DNAH8: variants seen among roughly 807,000 people sequenced by gnomAD.
DNAH8 encodes the protein axonemal beta dynein heavy chain 8.
Under a neutral mutation model 562.1 loss-of-function variants are expected in DNAH8, and 382 were observed. The observed-to-expected ratio is 0.68, with a 90% CI of 0.63 to 0.74. The LOEUF (loss-of-function observed/expected upper bound fraction) is 0.74, where lower values mean the gene tolerates loss of function less well. Ranked by LOEUF, DNAH8 falls within the 30% of genes least tolerant of loss-of-function variation. DNAH8 has a pLI of 0.00. For synonymous variants in DNAH8, 1,881 were observed against 1,919.4 expected (o/e 0.98, Z 0.52); for missense variants, 5,203 against 5,620.4 (o/e 0.93, Z 2.37).
At chr6:38,990,302 C>T (rs375262257) in intron 88 of DNAH8, 130 bp downstream of exon 88, 5 of 659,240 alleles carry the variant, frequency 7.6e-6, no homozygotes, top group East Asian at 5.4e-5. Flanking sequence ...AAAATAGTGT[C>T]GCTTCCTGTC....
chr6:38,737,134 A>T lies in DNAH8; in HGVS notation c.830A>T (p.Asn277Ile). 6.3e-7 allele frequency: 1 copy of T among 1,587,244 alleles called. No individual in the cohort carries two copies. The highest frequency in any genetic ancestry group is 8.6e-7 in the Non-Finnish European group (1 of 1,168,786). Reference sequence around the variant, plus strand: ...AATGGAATTAGGGATATGTTGGCAAATATATTTCTACCAGCTGTTCTTGCA... The same window carrying T: ...AATGGAATTAGGGATATGTTGGCAATTATATTTCTACCAGCTGTTCTTGCA... ...LLNGIRDMLA[N>I]IFLPAVLATN... The change falls in exon 6 of 93, where the codon AAT (asparagine) becomes ATT (isoleucine). Residue 277 changes from asparagine (N) to isoleucine (I), a missense_variant. Transcript: ENST00000327475.
At position 38,750,913 on chromosome 6, in the gene DNAH8, A is replaced by G. The variant is rs9394530; in HGVS notation, c.1407+324A>G. Among the ~76,000 whole-genome samples the G allele has an allele frequency of 0.11, 16,611 of 152,276 alleles. 1,396 individuals are homozygous for G. The highest frequency in any genetic ancestry group is 0.45 in the East Asian group (2,337 of 5,178). On this transcript the variant is annotated intron_variant, in intron 9 of 92. Coordinates refer to ENST00000327475, the MANE Select transcript of DNAH8 (RefSeq NM_001206927.2). ...CTCTTATGTGTTTATGAAGAATGATAAACTATATTTAATATTTTAACCCAT... is the reference window on the plus strand; with the variant it reads ...CTCTTATGTGTTTATGAAGAATGATGAACTATATTTAATATTTTAACCCAT...
At chr6:38,814,305 G>A (rs1772056999) in intron 25 of DNAH8, among the ~76,000 whole-genome samples, 176 bp downstream of exon 25, 1 of 152,230 alleles carries the variant, frequency 6.6e-6, no homozygotes, top group Non-Finnish European at 1.5e-5. Context: ...TCTGGGATGG[G>A]TGCAGTGGCT....
intron 41 of DNAH8, 101 bp downstream of exon 41, chr6:38,853,448 T>C (rs924707048): frequency 1.5e-6 from 2 of 1,323,898 alleles, no homozygotes; most frequent in Admixed American, 2.2e-5. Flanking sequence ...CAATTGTAGC[T>C]TTGAATTAGG....
In DNAH8 at chr6:38,737,614, A is replaced by T. The variant is rs187527824; in HGVS notation, c.953-195A>T. On this transcript the variant is annotated intron_variant, in intron 6 of 92. Transcript: ENST00000327475. ...TAAATTATGAAGTCATAATCTAATG[A>T]TTAATTAGAATTATATTTCTGTAAA... Among the ~76,000 whole-genome samples the T allele has an allele frequency of 2.0e-3, 300 of 151,382 alleles. 1 individual carries two copies. Among genetic ancestry groups the T allele is most frequent in the African/African-American group, 6.7e-3 (277 of 41,466 alleles).
At chr6:38,934,235 C>T (rs1487367665) in intron 76 of DNAH8, among the ~76,000 whole-genome samples, 1 of 151,996 alleles carries the variant, frequency 6.6e-6, no homozygotes, top group African/African-American at 2.4e-5. Context: ...CGCCTGTAGT[C>T]CCAGCTACTC....
intron 11 of DNAH8, chr6:38,763,438 CAAAG>C (rs1241378246): frequency 4.6e-5 from 14 of 305,900 alleles, no homozygotes; most frequent in Non-Finnish European, 7.6e-5. Flanking sequence ...AACAAGAGCT[CAAAG>C]AAAGAAAGAA....
chr6:38,755,884 G>C, intron 9 of DNAH8, 88 bp from the exon 10 acceptor site: 2 of 787,658 alleles, frequency 2.5e-6, no homozygotes, highest in Non-Finnish European at 4.3e-6. Flanking sequence ...ACTATTTTGT[G>C]TACCTTTAGA....
Position 38,974,498 on chromosome 6 carries a change from A to G in DNAH8, c.12803A>G (p.Tyr4268Cys), listed in dbSNP as rs780422672. 1.9e-6 allele frequency: 3 copies of G among 1,613,824 alleles called. No homozygotes were observed. The South Asian group carries it at 3.3e-5, about 18-fold the overall frequency. The change falls in exon 85 of 93, where the codon TAC becomes TGC. Residue 4268 changes from tyrosine to cysteine, a missense_variant. This residue lies in a region of DNAH8 where 1,399 missense variants were observed against 1,518.4 expected (regional missense o/e 0.92). Coordinates refer to ENST00000327475, the MANE Select transcript of DNAH8 (RefSeq NM_001206927.2). ...TTACCCATGTGGAAGCCGATGCTTT[A>G]CACAGTAGCATTTTTACACTCCACT... ...SNLPMWKPMLYTVAFLHSTVQ... is the reference protein window; with the variant it reads ...SNLPMWKPMLCTVAFLHSTVQ...
rs566343015 is a variant in DNAH8, at chr6:38,888,685, T to C, written c.8473+1681T>C. Among the ~76,000 whole-genome samples, 3 of 152,348 alleles carry C rather than the reference T, an allele frequency of 2.0e-5. No individual in the cohort carries two copies. The East Asian group carries it at 5.8e-4, about 29-fold the overall frequency. ...AATACAAATGAGAAACACCAAGCGA[T>C]ACCATTTCATACCCACTAGATTTGC... On this transcript the variant is annotated intron_variant, in intron 57 of 92. Transcript: ENST00000327475.
intron 26 of DNAH8, 103 bp downstream of exon 26, chr6:38,815,760 A>G: frequency 1.2e-5 from 13 of 1,108,150 alleles, no homozygotes; most frequent in Non-Finnish European, 1.5e-5. Context: ...TTGCATTTAA[A>G]AAATAGTATG....
chr6:38,803,711 A>AT (rs1277140095), intron 22 of DNAH8, among the ~76,000 whole-genome samples: 1 of 147,860 alleles, frequency 6.8e-6, no homozygotes, highest in Non-Finnish European at 1.5e-5. Flanking sequence ...AAATTCTATA[A>AT]TTTTCTTGAA....
At chr6:38,850,928 T>G (rs1275973634) in intron 38 of DNAH8, among the ~76,000 whole-genome samples, 1 of 152,132 alleles carries the variant, frequency 6.6e-6, no homozygotes, top group Non-Finnish European at 1.5e-5. Context: ...CAAAAGCCCT[T>G]TTTCCAAATA....
chr6:38,878,892 G>A (rs149931662), intron 53 of DNAH8, among the ~76,000 whole-genome samples: 15 of 152,258 alleles, frequency 9.9e-5, no homozygotes, highest in African/African-American at 3.6e-4. Context: ...TGAGGTGATA[G>A]ATATGTTAAT....
intron 41 of DNAH8, among the ~76,000 whole-genome samples, chr6:38,856,949 T>G (rs1419032583): frequency 6.6e-6 from 1 of 152,136 alleles, no homozygotes; most frequent in African/African-American, 2.4e-5. Flanking sequence ...TAAGGTGACA[T>G]CCTCTCACAG....
intron 82 of DNAH8, among the ~76,000 whole-genome samples, chr6:38,959,253 A>G (rs549590556): frequency 6.6e-6 from 1 of 152,316 alleles, no homozygotes; most frequent in East Asian, 1.9e-4. Flanking sequence ...CTTCTGTTCA[A>G]CATAGTACAG....
intron 35 of DNAH8, 65 bp downstream of exon 35, chr6:38,842,968 A>C: frequency 6.5e-7 from 1 of 1,544,460 alleles, no homozygotes; most frequent in South Asian, 1.2e-5. Flanking sequence ...CTTTTCTGGG[A>C]GTTGTACAGA....
intron 5 of DNAH8, among the ~76,000 whole-genome samples, chr6:38,736,241 A>G (rs1384248544): frequency 1.3e-5 from 2 of 152,168 alleles, no homozygotes; most frequent in Admixed American, 6.5e-5. Context: ...CAACGTAGTT[A>G]TATTCTAGTT....
intron 8 of DNAH8, among the ~76,000 whole-genome samples, chr6:38,742,655 T>C (rs1764609347): frequency 6.6e-6 from 1 of 152,140 alleles, no homozygotes; most frequent in South Asian, 2.1e-4. Context: ...AAAAATAAAC[T>C]AATACTTTTT....
Sources: gnomAD v4.1 joint callset for allele counts (sites outside exome capture counted in the v4.1 genomes callset) on GRCh38, gnomAD v4.1.1 for gene constraint, gnomAD v4.1.1 regional missense constraint, MANE v1.5 for transcripts, NCBI Gene and HGNC (gene_info 2026-07-23, HGNC 2026-07-21) for gene names.